The following CADM2 variants were observed in gnomAD, a reference collection of about 807,000 sequenced individuals.
The protein encoded by CADM2 is immunoglobulin superfamily member 4D.
CADM2 carries 12 observed loss-of-function variants against 49.8 expected under a neutral mutation model. That is an observed-to-expected ratio of 0.24 (90% CI 0.15 to 0.39). CADM2 has a LOEUF of 0.39. Among genes scored for constraint, CADM2 ranks in the 10% least tolerant of loss-of-function variants. The probability of loss-of-function intolerance (pLI) is 1.00; values close to 1 mark genes in which losing one functional copy is unlikely to be tolerated. For synonymous variants in CADM2, 214 were observed against 175.4 expected, an observed-to-expected ratio of 1.22 and a Z score of -1.74; for missense variants, 378 against 492.3, an observed-to-expected ratio of 0.77 and a Z score of 2.20.
At chr3:85,867,632 G>A (rs2075772330) in intron 3 of CADM2, among the ~76,000 whole-genome samples, 1 of 146,276 alleles carries the variant, frequency 6.8e-6, no homozygotes, top group Admixed American at 7.1e-5. Flanking sequence ...TGTAAATCAA[G>A]CATAGTGAAT....
intron 1 of CADM2, among the ~76,000 whole-genome samples, chr3:85,161,793 G>A (rs539172603): frequency 2.0e-5 from 3 of 152,158 alleles, no homozygotes; most frequent in East Asian, 1.9e-4. Flanking sequence ...CGAGGTGGGC[G>A]GATCACTTGA....
At chr3:85,145,952 T>C (rs2039726046) in intron 1 of CADM2, among the ~76,000 whole-genome samples, 1 of 152,164 alleles carries the variant, frequency 6.6e-6, no homozygotes, top group East Asian at 1.9e-4. Context: ...GTTCTTCCAG[T>C]TTGGCATAAA....
intron 1 of CADM2, among the ~76,000 whole-genome samples, chr3:85,061,235 T>G (rs2036300893): frequency 1.3e-5 from 2 of 152,134 alleles, no homozygotes; most frequent in African/African-American, 4.8e-5. Flanking sequence ...TATACCCTTG[T>G]CAATAAAAAC....
At chr3:85,016,124 A>G (rs768236847) in intron 1 of CADM2, among the ~76,000 whole-genome samples, 3 of 152,200 alleles carry the variant, frequency 2.0e-5, no homozygotes, top group Non-Finnish European at 2.9e-5. Flanking sequence ...GTGAACATTC[A>G]TTAGGTGAAA....
At chr3:85,382,841 C>T (rs1366693229) in intron 1 of CADM2, among the ~76,000 whole-genome samples, 1 of 152,136 alleles carries the variant, frequency 6.6e-6, no homozygotes, top group East Asian at 1.9e-4. Flanking sequence ...CTACCATATT[C>T]TTTAAAAATT....
chr3:85,072,901 T>G (rs796306920), intron 1 of CADM2, among the ~76,000 whole-genome samples: 17 of 152,248 alleles, frequency 1.1e-4, no homozygotes, highest in African/African-American at 4.1e-4. Flanking sequence ...GTTTATTGAA[T>G]CATTGCAGGA....
rs142044346 is a variant in CADM2 at position 85,161,985 on chromosome 3, C to T, written c.61+202317C>T. Reference sequence around the variant, plus strand: ...GATCACATGACTACACTCCAGACTCCGCAACAAGAGCAAGACTCCATTTAA... The same window carrying T: ...GATCACATGACTACACTCCAGACTCTGCAACAAGAGCAAGACTCCATTTAA... On this transcript the variant is annotated intron_variant, in intron 1 of 9. Coordinates refer to ENST00000383699, the MANE Select transcript of CADM2 (RefSeq NM_001167675.2). 4.6e-5 allele frequency among the ~76,000 whole-genome samples: 7 copies of T among 151,626 alleles called. No individual in the cohort carries two copies. The East Asian group carries it at 9.7e-4, about 21-fold the overall frequency.
At chr3:85,591,499 AGTATATAC>A (rs762208701) in intron 1 of CADM2, among the ~76,000 whole-genome samples, 1 of 151,970 alleles carries the variant, frequency 6.6e-6, no homozygotes, top group Non-Finnish European at 1.5e-5. Context: ...TTGATCTTGT[AGTATATAC>A]GGAAATTTCA....
chr3:85,533,689 G>T (rs1295221121), intron 1 of CADM2, among the ~76,000 whole-genome samples: 3 of 152,020 alleles, frequency 2.0e-5, no homozygotes, highest in East Asian at 3.9e-4. Context: ...GAGCGAATAG[G>T]GCATGAAAGA....
chr3:85,268,698 A>C (rs931408185), intron 1 of CADM2, among the ~76,000 whole-genome samples: 2 of 151,438 alleles, frequency 1.3e-5, no homozygotes, highest in African/African-American at 4.8e-5. Context: ...CTAATGAAGA[A>C]CCAGAAGCCT....
chr3:85,180,797 G>C (rs2040915609), intron 1 of CADM2, among the ~76,000 whole-genome samples: 1 of 152,122 alleles, frequency 6.6e-6, no homozygotes, highest in Non-Finnish European at 1.5e-5. Context: ...GGAATATAAA[G>C]CTATGTTTTC....
At chr3:85,202,196 T>C (rs1192153086) in intron 1 of CADM2, among the ~76,000 whole-genome samples, 1 of 152,142 alleles carries the variant, frequency 6.6e-6, no homozygotes, top group Non-Finnish European at 1.5e-5. Flanking sequence ...TTGCTAACTG[T>C]TTCCAAATTC....
intron 1 of CADM2, among the ~76,000 whole-genome samples, chr3:85,711,012 T>G (rs1228219463): frequency 6.6e-6 from 1 of 152,146 alleles, no homozygotes; most frequent in Admixed American, 6.5e-5. Flanking sequence ...ATTTGACTAT[T>G]TGAAAATCCT....
At chr3:86,028,000 A>G (rs943091658) in intron 8 of CADM2, 2 of 139,508 alleles carry the variant, frequency 1.4e-5, no homozygotes, top group Non-Finnish European at 1.5e-5. Context: ...TTTAAGAACA[A>G]TGAGAACACA....
intron 3 of CADM2, among the ~76,000 whole-genome samples, chr3:85,832,151 T>C (rs1390576975): frequency 1.3e-5 from 2 of 152,056 alleles, no homozygotes; most frequent in East Asian, 3.9e-4. Flanking sequence ...GGTATTTGGC[T>C]TTATTTCTGG....
intron 1 of CADM2, among the ~76,000 whole-genome samples, chr3:85,339,495 A>G (rs2045183237): frequency 6.6e-6 from 1 of 151,464 alleles, no homozygotes; most frequent in African/African-American, 2.4e-5. Context: ...TATGTGAACA[A>G]TTAGATCATA....
At chr3:86,050,596 A>C (rs1046713786) in intron 8 of CADM2, among the ~76,000 whole-genome samples, 9 of 152,164 alleles carry the variant, frequency 5.9e-5, no homozygotes, top group East Asian at 1.9e-4. Context: ...CTGCCTAGAC[A>C]TCCAGGCTTT....
intron 3 of CADM2, among the ~76,000 whole-genome samples, chr3:85,879,574 A>T (rs1394012146): frequency 6.6e-6 from 1 of 152,062 alleles, no homozygotes; most frequent in East Asian, 1.9e-4. Flanking sequence ...ATTTGGGATC[A>T]CCCTCTTGTG....
At chr3:85,049,720 T>C (rs570295089) in intron 1 of CADM2, among the ~76,000 whole-genome samples, 1 of 152,184 alleles carries the variant, frequency 6.6e-6, no homozygotes, top group Admixed American at 6.5e-5. Context: ...ATAGAATCTA[T>C]ATTTAGATTG....
Sources: allele counts gnomAD v4.1 joint callset (sites outside exome capture counted in the v4.1 genomes callset), GRCh38; gene constraint gnomAD v4.1.1; transcripts MANE v1.5; gene names NCBI Gene and HGNC (gene_info 2026-07-23, HGNC 2026-07-21).